The following TRIT1 variants were observed in gnomAD, a reference collection of about 807,000 sequenced individuals.
TRIT1 encodes tRNA isopentenyltransferase 1, also known as tRNA dimethylallyltransferase.
A neutral mutation model predicts 51.2 loss-of-function variants in TRIT1; 43 were observed. The ratio of observed to expected loss-of-function variants is 0.84; its 90% CI spans 0.66 to 1.08. TRIT1 has a LOEUF of 1.08. Among genes scored for constraint, TRIT1 ranks in the 50% least tolerant of loss-of-function variants. The pLI, the probability that TRIT1 is intolerant of heterozygous loss-of-function variation, is 0.00. For synonymous variants in TRIT1, 184 were observed against 203.9 expected, an observed-to-expected ratio of 0.90 and a Z score of 0.83; for missense variants, 528 against 578.4, an observed-to-expected ratio of 0.91 and a Z score of 0.89.
At chr1:39,874,683 G>A (rs1350564515) in intron 1 of TRIT1, among the ~76,000 whole-genome samples, 1 of 136,998 alleles carries the variant, frequency 7.3e-6, no homozygotes, top group Non-Finnish European at 1.6e-5. Flanking sequence ...TTTTTTTTTT[G>A]AGATGGAGTT....
chr1:39,854,345 T>C (rs1290377225), intron 2 of TRIT1, among the ~76,000 whole-genome samples: 1 of 152,196 alleles, frequency 6.6e-6, no homozygotes, highest in African/African-American at 2.4e-5. Flanking sequence ...CAAAGTTTTA[T>C]TAGTATTCCA....
chr1:39,867,526 A>G (rs1236183285), intron 1 of TRIT1, among the ~76,000 whole-genome samples: 2 of 151,104 alleles, frequency 1.3e-5, no homozygotes, highest in Non-Finnish European at 3.0e-5. Context: ...TAGGTAGCAG[A>G]AAAAAAAAAT....
chr1:39,862,231 C>T (rs1414862491), intron 1 of TRIT1, among the ~76,000 whole-genome samples: 2 of 150,766 alleles, frequency 1.3e-5, no homozygotes, highest in Non-Finnish European at 2.9e-5. Flanking sequence ...CAGAACAATG[C>T]TATTGTACTT....
chr1:39,863,640 G>GA (rs138416890), intron 1 of TRIT1, among the ~76,000 whole-genome samples: 3,237 of 146,528 alleles, frequency 0.022, 70 homozygotes, highest in East Asian at 0.11. Flanking sequence ...TTTCCACACT[G>GA]AAAAAAAAAA....
intron 1 of TRIT1, among the ~76,000 whole-genome samples, chr1:39,869,885 G>A (rs1570104857): frequency 6.6e-6 from 1 of 152,086 alleles, no homozygotes; most frequent in African/African-American, 2.4e-5. Context: ...GCCCCCTCCA[G>A]GAGGTGGGGG....
chr1:39,883,306 G>T lies in TRIT1; in HGVS notation c.174+12C>A. ...GGGTCCCCAGGCGCCCGGGCCAGCC[G>T]CACTGCCATACCTGCATGGAGTCAG... On this transcript the variant is annotated intron_variant, in intron 1 of 10. Coordinates refer to ENST00000316891, the MANE Select transcript of TRIT1 (RefSeq NM_017646.6). 6.3e-7 allele frequency: 1 copy of T among 1,597,260 alleles called. No individual in the cohort carries two copies.
chr1:39,854,581 GATAA>G (rs1642783764), intron 2 of TRIT1, among the ~76,000 whole-genome samples: 2 of 152,178 alleles, frequency 1.3e-5, no homozygotes. Context: ...AGGTTCTGAA[GATAA>G]ATAGACTTCA....
chr1:39,852,022 G>A (rs1642607330), intron 4 of TRIT1, among the ~76,000 whole-genome samples: 1 of 151,908 alleles, frequency 6.6e-6, no homozygotes, highest in Non-Finnish European at 1.5e-5. Flanking sequence ...TTTCACTGAG[G>A]GGGGTAAAAT....
intron 1 of TRIT1, among the ~76,000 whole-genome samples, 199 bp downstream of exon 1, chr1:39,883,119 G>A (rs1429185692): frequency 6.6e-6 from 1 of 152,168 alleles, no homozygotes; most frequent in Non-Finnish European, 1.5e-5. Context: ...GTAACGTCGT[G>A]AGAAGTTGAT....
rs142423790 is a variant in TRIT1, at chr1:39,877,983, T to G, written c.174+5335A>C. Among the ~76,000 whole-genome samples, 529 of 152,216 alleles carry G rather than the reference T, an allele frequency of 3.5e-3. 1 individual carries two copies. Among genetic ancestry groups the G allele is most frequent in the African/African-American group, 0.012 (484 of 41,536 alleles). ...ACCAGCATTCAGAAGACTCAGAAAA[T>G]AAAGCACAAATGTTGTTTCTCACTT... On this transcript the variant is annotated intron_variant, in intron 1 of 10. Coordinates refer to ENST00000316891, the MANE Select transcript of TRIT1 (RefSeq NM_017646.6).
intron 3 of TRIT1, 42 bp downstream of exon 3, chr1:39,853,928 G>A: frequency 7.3e-7 from 1 of 1,360,644 alleles, no homozygotes; most frequent in Non-Finnish European, 1.0e-6. Flanking sequence ...GCAAGAAAGA[G>A]CAATCCATTT....
At chr1:39,864,290 A>G (rs1293377375) in intron 1 of TRIT1, among the ~76,000 whole-genome samples, 1 of 151,918 alleles carries the variant, frequency 6.6e-6, no homozygotes, top group Admixed American at 6.6e-5. Flanking sequence ...ACTCTGGTCT[A>G]GCCTTCAGCC....
intron 1 of TRIT1, among the ~76,000 whole-genome samples, chr1:39,861,534 T>C (rs1250195620): frequency 1.3e-5 from 2 of 152,298 alleles, no homozygotes; most frequent in East Asian, 1.9e-4. Context: ...TTATTCACAA[T>C]AGCCAAAAGA....
At chr1:39,875,206 C>T (rs1018384590) in intron 1 of TRIT1, among the ~76,000 whole-genome samples, 2 of 152,048 alleles carry the variant, frequency 1.3e-5, no homozygotes, top group Non-Finnish European at 2.9e-5. Context: ...AATAGATTTA[C>T]AGGCCAGGTG....
At chr1:39,871,807 T>A (rs996421272) in intron 1 of TRIT1, among the ~76,000 whole-genome samples, 1 of 152,162 alleles carries the variant, frequency 6.6e-6, no homozygotes, top group Non-Finnish European at 1.5e-5. Flanking sequence ...CTGTTCAGTA[T>A]GGTACTGTGG....
At chr1:39,856,647 G>A (rs1174111321) in intron 2 of TRIT1, among the ~76,000 whole-genome samples, 1 of 151,876 alleles carries the variant, frequency 6.6e-6, no homozygotes, top group Non-Finnish European at 1.5e-5. Flanking sequence ...GATACTAAAG[G>A]CAGTCTGCAT....
Position 39,883,396 on chromosome 1 carries a change from C to T in TRIT1, c.96G>A (p.Thr32=), listed in dbSNP as rs775224598. ...ACGCCAGCGTGGATTTGCCGGTGCC[C>T]GTGGCCCCGAGAATCACTACAAGAG... ...TLPLVVILGA[T]GTGKSTLALQ... The change falls in exon 1 of 11, where the codon ACG becomes ACA. Residue 32 remains threonine (T), a synonymous_variant. Transcript: ENST00000316891. The T allele has an allele frequency of 6.2e-7, 1 of 1,613,546 alleles. No individual in the cohort carries two copies. The highest frequency in any genetic ancestry group is 8.5e-7 in the Non-Finnish European group (1 of 1,179,908).
Position 39,869,014 on chromosome 1 carries a change from C to A in TRIT1, c.175-11597G>T, listed in dbSNP as rs577589152. On this transcript the variant is annotated intron_variant, in intron 1 of 10. Transcript: ENST00000316891. ...GGCAGAGGTTGCAGTGAGCCGAGAT[C>A]GTGCCACTGCACTTCAGCCTGGGCA... 2.6e-5 allele frequency among the ~76,000 whole-genome samples: 4 copies of A among 152,260 alleles called. No individual in the cohort carries two copies. In the South Asian group the frequency reaches 8.3e-4, roughly 32 times the overall value.
At position 39,883,466 on chromosome 1, in the gene TRIT1, G is replaced by C. The variant is rs745312683; in HGVS notation, c.26C>G (p.Ala9Gly). 31 of 1,597,022 alleles carry C rather than the reference G, an allele frequency of 1.9e-5. 1 individual carries two copies. Among genetic ancestry groups the C allele is most frequent in the Middle Eastern group, 3.4e-4 (2 of 5,830 alleles). Reference sequence around the variant, plus strand: ...CCTGAGCCCACTGCCCACGGGAACTGCTCGTGCAGCCGCCACGGACGCCAT... The same window carrying C: ...CCTGAGCCCACTGCCCACGGGAACTCCTCGTGCAGCCGCCACGGACGCCAT... The part of the protein sequence containing the change: MASVAAAR[A>G]VPVGSGLRGL... The change falls in exon 1 of 11, where the codon GCA becomes GGA. Residue 9 changes from alanine to glycine, a missense_variant. Coordinates refer to ENST00000316891, the MANE Select transcript of TRIT1 (RefSeq NM_017646.6).
Sources: gnomAD v4.1 joint callset for allele counts (sites outside exome capture counted in the v4.1 genomes callset) on GRCh38, gnomAD v4.1.1 for gene constraint, MANE v1.5 for transcripts, NCBI Gene and HGNC (gene_info 2026-07-23, HGNC 2026-07-21) for gene names.